Variants in SULF2 observed in about 807,000 individuals in gnomAD.
The protein encoded by SULF2 is sulfatase 2, also known as extracellular sulfatase Sulf-2.
SULF2 carries 52 observed loss-of-function variants against 107.7 expected under a neutral mutation model. The ratio of observed to expected loss-of-function variants is 0.48; its 90% CI spans 0.39 to 0.61. The LOEUF is 0.61. Among genes scored for constraint, SULF2 ranks in the 20% least tolerant of loss-of-function variants. The probability of loss-of-function intolerance (pLI) is 0.00; values close to 1 mark genes in which losing one functional copy is unlikely to be tolerated. For missense variants in SULF2, 993 were observed against 1,177.3 expected, an observed-to-expected ratio of 0.84 and a Z score of 2.29; for synonymous variants, 460 against 464.3, an observed-to-expected ratio of 0.99 and a Z score of 0.12.
chr20:47,773,474 C>A (rs2090668795), intron 1 of SULF2, among the ~76,000 whole-genome samples: 1 of 152,220 alleles, frequency 6.6e-6, no homozygotes, highest in Admixed American at 6.5e-5. Context: ...ACAATGAAAC[C>A]AACATGGTGC....
At chr20:47,663,010 C>G (rs1205747157) in intron 17 of SULF2, 60 bp downstream of exon 17, 22 of 1,591,584 alleles carry the variant, frequency 1.4e-5, no homozygotes, top group African/African-American at 8.1e-5. Context: ...TTGGGGGGGG[C>G]CTACCTGGCA....
At chr20:47,691,810 G>A (rs1156798983) in intron 4 of SULF2, among the ~76,000 whole-genome samples, 1 of 152,238 alleles carries the variant, frequency 6.6e-6, no homozygotes, top group East Asian at 1.9e-4. Context: ...GAGGAGAGAA[G>A]AGTTGGAGGA....
At chr20:47,786,232 G>C (rs2090930172), upstream of SULF2, 1 of 152,222 alleles carries the variant, frequency 6.6e-6, no homozygotes, top group South Asian at 2.1e-4. Flanking sequence ...GAGGGCCATC[G>C]ATCAGGTCCA....
chr20:47,711,399 GA>G (rs2088923610), intron 3 of SULF2, among the ~76,000 whole-genome samples: 2 of 152,244 alleles, frequency 1.3e-5, no homozygotes, highest in Admixed American at 6.5e-5. Flanking sequence ...GCACGTGGAT[GA>G]ACTGACAGGC....
intron 15 of SULF2, 121 bp downstream of exon 15, chr20:47,664,009 G>A (rs1229170957): frequency 1.4e-5 from 15 of 1,077,268 alleles, no homozygotes; most frequent in East Asian, 5.1e-5. Flanking sequence ...GAGGGCTACC[G>A]TGGACTTCCC....
At chr20:47,702,431 A>T in intron 4 of SULF2, 88 bp downstream of exon 4, 1 of 1,490,172 alleles carries the variant, frequency 6.7e-7, no homozygotes, top group Admixed American at 2.1e-5. Context: ...CTGAGTCACA[A>T]TCTGAACCCA....
intron 3 of SULF2, among the ~76,000 whole-genome samples, chr20:47,735,072 T>C (rs2089696778): frequency 6.6e-6 from 1 of 152,218 alleles, no homozygotes; most frequent in Admixed American, 6.5e-5. Context: ...ATGCCCCCTC[T>C]GAATTCCCAT....
At chr20:47,673,032 G>A (rs1370034712) in intron 10 of SULF2, among the ~76,000 whole-genome samples, 2 of 152,178 alleles carry the variant, frequency 1.3e-5, no homozygotes, top group East Asian at 1.9e-4. Flanking sequence ...GGCTCCACGT[G>A]TGCACTCAAC....
intron 5 of SULF2, among the ~76,000 whole-genome samples, chr20:47,687,471 G>A (rs1602646551): frequency 6.6e-6 from 1 of 152,174 alleles, no homozygotes; most frequent in Admixed American, 6.5e-5. Context: ...GGAAGATGGT[G>A]GTGTCCTCAC....
At chr20:47,710,566 G>A (rs546529104) in intron 3 of SULF2, among the ~76,000 whole-genome samples, 3 of 151,810 alleles carry the variant, frequency 2.0e-5, no homozygotes, top group East Asian at 1.9e-4. Context: ...CTAACGACAC[G>A]TTTCTCAGCA....
intron 1 of SULF2, among the ~76,000 whole-genome samples, chr20:47,782,053 C>T (rs2090842449): frequency 1.3e-5 from 2 of 152,122 alleles, no homozygotes; most frequent in South Asian, 2.1e-4. Context: ...GAGTTTTTTT[C>T]TTCTCTTTTT....
At chr20:47,785,662 T>G (rs2090919232), upstream of SULF2, among the ~76,000 whole-genome samples, 1 of 145,448 alleles carries the variant, frequency 6.9e-6, no homozygotes. Flanking sequence ...GCCAGCCCCT[T>G]GGCACGGCGC....
chr20:47,728,967 C>T (rs535461624), intron 3 of SULF2, among the ~76,000 whole-genome samples: 5 of 152,138 alleles, frequency 3.3e-5, no homozygotes, highest in Non-Finnish European at 5.9e-5. Flanking sequence ...ATTTTAGAAA[C>T]GAGACAATCA....
At chr20:47,723,485 G>A (rs763441578) in intron 3 of SULF2, among the ~76,000 whole-genome samples, 4 of 152,144 alleles carry the variant, frequency 2.6e-5, no homozygotes, top group Admixed American at 6.5e-5. Flanking sequence ...GACAGGTAGC[G>A]GTCTGTGGCC....
At chr20:47,693,412 A>T (rs2088269546) in intron 4 of SULF2, among the ~76,000 whole-genome samples, 1 of 152,194 alleles carries the variant, frequency 6.6e-6, no homozygotes, top group South Asian at 2.1e-4. Context: ...ACTCATCTTC[A>T]CTACTTCATC....
chr20:47,696,061 G>A (rs915241342), intron 4 of SULF2, among the ~76,000 whole-genome samples: 1 of 152,184 alleles, frequency 6.6e-6, no homozygotes, highest in African/African-American at 2.4e-5. Context: ...CTGGGCCCAC[G>A]GGCTGTGGTT....
In SULF2 at chr20:47,684,861, G is replaced by A. The variant is rs138848398; in HGVS notation, c.738-280C>T. 1,928 of 313,440 alleles carry A rather than the reference G, an allele frequency of 6.2e-3. 63 individuals carry two copies. In the Admixed American group the frequency reaches 0.075, roughly 12 times the overall value. 19.4% of individuals were successfully genotyped at this position (313,440 alleles called of 1,614,324 possible). On this transcript the variant is annotated intron_variant, in intron 5 of 20. Transcript: ENST00000688720. ...AAAGTGAGACAGCCAGTCCCTTGTCGGCTCTCTCAGGGCAAAGTCTGTTTG... is the reference window on the plus strand; with the variant it reads ...AAAGTGAGACAGCCAGTCCCTTGTCAGCTCTCTCAGGGCAAAGTCTGTTTG...
At chr20:47,698,517 A>C (rs1027269898) in intron 4 of SULF2, among the ~76,000 whole-genome samples, 6 of 152,128 alleles carry the variant, frequency 3.9e-5, no homozygotes, top group African/African-American at 1.2e-4. Flanking sequence ...AGGAGGAGAG[A>C]GAGCTTCTGT....
intron 3 of SULF2, among the ~76,000 whole-genome samples, chr20:47,716,894 C>T (rs1303995638): frequency 1.3e-5 from 2 of 152,064 alleles, no homozygotes; most frequent in Non-Finnish European, 2.9e-5. Context: ...CCTGTATTCC[C>T]AGCTACTCGA....
Sources: allele counts gnomAD v4.1 joint callset (sites outside exome capture counted in the v4.1 genomes callset), GRCh38; gene constraint gnomAD v4.1.1; transcripts MANE v1.5; gene names NCBI Gene and HGNC (gene_info 2026-07-23, HGNC 2026-07-21).